The following ENAH variants were observed in gnomAD, a reference collection of about 807,000 sequenced individuals.
ENAH encodes protein enabled homolog.
A neutral mutation model predicts 78.7 loss-of-function variants in ENAH; 23 were observed. That is an observed-to-expected ratio of 0.29 (90% CI 0.21 to 0.41). The LOEUF (loss-of-function observed/expected upper bound fraction) is 0.41. Among genes scored for constraint, ENAH ranks in the 10% least tolerant of loss-of-function variants. ENAH has a pLI of 1.00. For missense variants in ENAH, 544 were observed against 691.0 expected, an observed-to-expected ratio of 0.79 and a Z score of 2.39; for synonymous variants, 226 against 241.0, an observed-to-expected ratio of 0.94 and a Z score of 0.58.
At chr1:225,575,821 T>C (rs560942517) in intron 1 of ENAH, among the ~76,000 whole-genome samples, 2 of 152,292 alleles carry the variant, frequency 1.3e-5, no homozygotes, top group Admixed American at 6.5e-5. Context: ...AATTAAAGAT[T>C]TGTGAGAGAA....
intron 1 of ENAH, among the ~76,000 whole-genome samples, chr1:225,644,495 T>C (rs2148473887): frequency 6.6e-6 from 1 of 152,278 alleles, no homozygotes; most frequent in Admixed American, 6.5e-5. Flanking sequence ...ACAAAGCAGA[T>C]ATTCAAATAA....
At chr1:225,608,938 A>G (rs1558900843) in intron 1 of ENAH, among the ~76,000 whole-genome samples, 1 of 152,116 alleles carries the variant, frequency 6.6e-6, no homozygotes, top group Non-Finnish European at 1.5e-5. Flanking sequence ...GAAGAAAAAT[A>G]ATTTCCAACC....
rs2096218041 is a variant in ENAH at position 225,490,617 on chromosome 1, G to T, written c.*7158C>A. On this transcript the variant is annotated 3_prime_UTR_variant, in exon 14 of 14. Coordinates refer to ENST00000366843, the MANE Select transcript of ENAH (RefSeq NM_018212.6). The stretch of plus-strand genomic sequence containing the variant: ...GAAACTTAAAATGATCAAGCCCAAA[G>T]TACCTCTGGGAAGGACACCAAATTG... 1 of 152,048 alleles carries T rather than the reference G, an allele frequency of 6.6e-6. No homozygotes were observed. Among genetic ancestry groups the T allele is most frequent in the South Asian group, 2.1e-4 (1 of 4,816 alleles). The allele number at this position is 152,048 out of a possible 1,614,324, so 9.4% of individuals were successfully genotyped here.
At chr1:225,559,990 T>C (rs2096692301) in intron 2 of ENAH, among the ~76,000 whole-genome samples, 2 of 152,098 alleles carry the variant, frequency 1.3e-5, no homozygotes, top group Non-Finnish European at 2.9e-5. Flanking sequence ...ACAGCCAAAG[T>C]GGGGAAGCAG....
In ENAH at chr1:225,524,984, AAACAT is replaced by A. The variant is rs560026228; in HGVS notation, c.435-5424_435-5420del. 2.4e-3 allele frequency among the ~76,000 whole-genome samples: 360 copies of A among 152,328 alleles called. 1 individual carries two copies. The highest frequency in any genetic ancestry group is 4.1e-3 in the Non-Finnish European group (276 of 68,024). Reference sequence around the variant, plus strand: ...CTACATTTATTAAAAATAAAAAATTAAACATAACAGTAGTAATAAATAACTTAAAA... The same window carrying A: ...CTACATTTATTAAAAATAAAAAATTAAACAGTAGTAATAAATAACTTAAAA... On this transcript the variant is annotated intron_variant, in intron 4 of 13. Transcript: ENST00000366843.
chr1:225,514,492 T>G (rs2096401803), intron 7 of ENAH, 104 bp downstream of exon 7: 2 of 972,488 alleles, frequency 2.1e-6, no homozygotes, highest in Non-Finnish European at 3.2e-6. Flanking sequence ...TTTAAATCAA[T>G]GAAGTTCATA....
At chr1:225,585,914 C>T (rs193055806) in intron 1 of ENAH, among the ~76,000 whole-genome samples, 7 of 152,240 alleles carry the variant, frequency 4.6e-5, no homozygotes, top group Admixed American at 2.6e-4. Context: ...ACTTGAGCTT[C>T]GTTCTTAAGT....
intron 1 of ENAH, among the ~76,000 whole-genome samples, chr1:225,588,142 T>C (rs1575622400): frequency 6.6e-6 from 1 of 152,068 alleles, no homozygotes; most frequent in East Asian, 1.9e-4. Flanking sequence ...AGAAAATGCA[T>C]AGAGTATATA....
intron 4 of ENAH, among the ~76,000 whole-genome samples, chr1:225,530,323 T>G (rs2096531947): frequency 6.6e-6 from 1 of 152,178 alleles, no homozygotes; most frequent in South Asian, 2.1e-4. Context: ...TAAACATACC[T>G]TAAGTATAAT....
chr1:225,632,080 G>A (rs912695743), intron 1 of ENAH, among the ~76,000 whole-genome samples: 14 of 152,306 alleles, frequency 9.2e-5, no homozygotes, highest in Admixed American at 7.2e-4. Flanking sequence ...CAAGATTGCA[G>A]TTATTCTTGC....
chr1:225,645,408 C>G (rs182773372), intron 1 of ENAH, among the ~76,000 whole-genome samples: 7 of 152,288 alleles, frequency 4.6e-5, no homozygotes, highest in Non-Finnish European at 7.3e-5. Flanking sequence ...GTTGTATGGA[C>G]ATACCACATT....
chr1:225,545,910 CTTTTTTTTTTTT>C (rs56105983), intron 3 of ENAH, among the ~76,000 whole-genome samples: 7 of 109,466 alleles, frequency 6.4e-5, no homozygotes, highest in Non-Finnish European at 8.8e-5. Flanking sequence ...CATCTGTAAA[CTTTTTTTTTTTT>C]TTTTTTTTTT....
chr1:225,586,853 G>A (rs908645883), intron 1 of ENAH, among the ~76,000 whole-genome samples: 1 of 145,092 alleles, frequency 6.9e-6, no homozygotes, highest in Non-Finnish European at 1.5e-5. Context: ...GTGAAACCCT[G>A]TCTCTACTAA....
chr1:225,552,134 CTTTTTTTTTTTT>C (rs397983036), intron 3 of ENAH, among the ~76,000 whole-genome samples: 4 of 115,956 alleles, frequency 3.4e-5, no homozygotes, highest in Admixed American at 3.0e-4. Flanking sequence ...ACTCCTGATT[CTTTTTTTTTTTT>C]TTTTTTTTGA....
At chr1:225,509,575 T>C (rs145682135) in intron 10 of ENAH, among the ~76,000 whole-genome samples, 5 of 152,312 alleles carry the variant, frequency 3.3e-5, no homozygotes, top group South Asian at 2.1e-4. Context: ...TAGAGCTTCC[T>C]AATTGGTCTG....
chr1:225,507,889 A>T, intron 11 of ENAH, 62 bp downstream of exon 11: 9 of 1,199,028 alleles, frequency 7.5e-6, no homozygotes. Context: ...TTTCTACACT[A>T]AGAATGCATT....
rs1176904831 is a variant in ENAH at position 225,493,642 on chromosome 1, A to C, written c.*4133T>G. On this transcript the variant is annotated 3_prime_UTR_variant, in exon 14 of 14. Transcript: ENST00000366843. ...GGTTTGGAGTTTGGAAGTGAATGAG[A>C]GTAAATGTCTTCAGGAAAGTGAATT... 6.6e-6 allele frequency: 1 copy of C among 152,222 alleles called. No homozygotes were observed. The highest frequency in any genetic ancestry group is 1.5e-5 in the Non-Finnish European group (1 of 68,040). The allele number at this position is 152,222 out of a possible 1,614,324, so 9.4% of individuals were successfully genotyped here.
At chr1:225,621,455 G>A (rs1453489192) in intron 1 of ENAH, among the ~76,000 whole-genome samples, 1 of 151,502 alleles carries the variant, frequency 6.6e-6, no homozygotes, top group South Asian at 2.1e-4. Context: ...ACTACGCCCG[G>A]CTAATTTTTT....
intron 2 of ENAH, among the ~76,000 whole-genome samples, chr1:225,565,230 G>A (rs776425185): frequency 3.3e-5 from 5 of 152,118 alleles, no homozygotes; most frequent in Non-Finnish European, 5.9e-5. Flanking sequence ...GAGGCCAGGA[G>A]TTCAAAACCA....
Sources: allele counts gnomAD v4.1 joint callset (sites outside exome capture counted in the v4.1 genomes callset), GRCh38; gene constraint gnomAD v4.1.1; transcripts MANE v1.5; gene names NCBI Gene and HGNC (gene_info 2026-07-23, HGNC 2026-07-21).